Variants in ATXN1 observed in about 807,000 individuals in gnomAD.
ATXN1 encodes ataxin-1.
A neutral mutation model predicts 56.4 loss-of-function variants in ATXN1; 8 were observed. The observed-to-expected ratio is 0.14, with a 90% CI of 0.08 to 0.26. The LOEUF is 0.26. ATXN1 is among the 10% of genes least tolerant of loss of function. The pLI is 1.00. For synonymous variants in ATXN1, 514 were observed against 494.6 expected (o/e 1.04, Z -0.52); for missense variants, 987 against 1,106.5 (o/e 0.89, Z 1.53).
At chr6:16,701,216 C>T (rs536012692) in intron 2 of ATXN1, among the ~76,000 whole-genome samples, 1 of 152,310 alleles carries the variant, frequency 6.6e-6, no homozygotes, top group Admixed American at 6.5e-5. Context: ...AAATAAACCA[C>T]CAATGAATTT....
At chr6:16,600,671 T>G (rs183410215) in intron 3 of ATXN1, among the ~76,000 whole-genome samples, 139 of 152,348 alleles carry the variant, frequency 9.1e-4, no homozygotes, top group African/African-American at 3.2e-3. Flanking sequence ...TGCCACTATT[T>G]TATGTCTGTA....
chr6:16,694,410 C>T (rs1308700911), intron 2 of ATXN1, among the ~76,000 whole-genome samples: 3 of 152,024 alleles, frequency 2.0e-5, no homozygotes, highest in Non-Finnish European at 4.4e-5. Context: ...TGTGCCACCA[C>T]GCCCAGCTAA....
chr6:16,728,378 A>C (rs1759895201), intron 2 of ATXN1, among the ~76,000 whole-genome samples: 1 of 152,170 alleles, frequency 6.6e-6, no homozygotes, highest in Admixed American at 6.5e-5. Context: ...CAGAATGAGG[A>C]CAGGTAAAGG....
chr6:16,376,549 G>A (rs1448057709), intron 6 of ATXN1, among the ~76,000 whole-genome samples: 1 of 152,166 alleles, frequency 6.6e-6, no homozygotes, highest in African/African-American at 2.4e-5. Context: ...CTGTGGAGGT[G>A]GGAAAATGGT....
intron 4 of ATXN1, among the ~76,000 whole-genome samples, chr6:16,561,469 T>C (rs1054404350): frequency 5.9e-5 from 9 of 152,238 alleles, no homozygotes; most frequent in South Asian, 2.1e-4. Flanking sequence ...CAAGTTCCCA[T>C]AGAGCCATAC....
chr6:16,344,239 C>T (rs1032350887), intron 6 of ATXN1, among the ~76,000 whole-genome samples: 2 of 152,218 alleles, frequency 1.3e-5, no homozygotes, highest in African/African-American at 2.4e-5. Flanking sequence ...GACTATCCTC[C>T]AAGGCTCCAA....
At chr6:16,406,456 C>T (rs983614276) in intron 6 of ATXN1, among the ~76,000 whole-genome samples, 1 of 152,166 alleles carries the variant, frequency 6.6e-6, no homozygotes, top group East Asian at 1.9e-4. Flanking sequence ...TTACTAGACA[C>T]CCTATTTCCT....
intron 6 of ATXN1, among the ~76,000 whole-genome samples, chr6:16,402,182 C>T (rs537470304): frequency 6.8e-6 from 1 of 148,144 alleles, no homozygotes; most frequent in Non-Finnish European, 1.5e-5. Flanking sequence ...CACAGCCAAA[C>T]CATATCATCA....
At chr6:16,323,783 A>G (rs1390005352) in intron 7 of ATXN1, among the ~76,000 whole-genome samples, 2 of 152,138 alleles carry the variant, frequency 1.3e-5, no homozygotes, top group African/African-American at 4.8e-5. Context: ...TCCATGTGTC[A>G]CCTGGGGTCT....
At chr6:16,348,178 C>G (rs1197349428) in intron 6 of ATXN1, among the ~76,000 whole-genome samples, 1 of 152,214 alleles carries the variant, frequency 6.6e-6, no homozygotes, top group Non-Finnish European at 1.5e-5. Flanking sequence ...TCAAGTGATC[C>G]TCAGCTTCCT....
chr6:16,609,390 AG>A (rs1277343242), intron 3 of ATXN1, among the ~76,000 whole-genome samples: 1 of 152,208 alleles, frequency 6.6e-6, no homozygotes, highest in Non-Finnish European at 1.5e-5. Flanking sequence ...TCTGCTACAA[AG>A]GGGGCTTGGA....
At chr6:16,511,449 AT>A (rs1761079976) in intron 5 of ATXN1, among the ~76,000 whole-genome samples, 1 of 152,198 alleles carries the variant, frequency 6.6e-6, no homozygotes, top group African/African-American at 2.4e-5. Context: ...CACAATAGAC[AT>A]TTAAGGGAAT....
intron 7 of ATXN1, among the ~76,000 whole-genome samples, chr6:16,316,119 C>T (rs564900254): frequency 3.3e-5 from 5 of 152,172 alleles, no homozygotes; most frequent in Non-Finnish European, 7.3e-5. Flanking sequence ...TCAGATCAGT[C>T]GCAAGCATTA....
At chr6:16,374,340 A>G (rs188624675) in intron 6 of ATXN1, among the ~76,000 whole-genome samples, 41 of 152,356 alleles carry the variant, frequency 2.7e-4, no homozygotes, top group Admixed American at 5.9e-4. Context: ...TATAAAAACC[A>G]TAGTTTAAGC....
At chr6:16,669,188 C>T (rs999281335) in intron 2 of ATXN1, among the ~76,000 whole-genome samples, 3 of 152,140 alleles carry the variant, frequency 2.0e-5, no homozygotes, top group African/African-American at 7.2e-5. Flanking sequence ...GTTTCTTTAC[C>T]ACATCAAACT....
intron 2 of ATXN1, among the ~76,000 whole-genome samples, chr6:16,751,318 C>T (rs1309405237): frequency 6.6e-6 from 1 of 152,126 alleles, no homozygotes; most frequent in Admixed American, 6.5e-5. Flanking sequence ...AAGAGGCTTA[C>T]CTTTGCATGT....
chr6:16,539,480 A>G (rs982356368), intron 4 of ATXN1, among the ~76,000 whole-genome samples: 8 of 152,204 alleles, frequency 5.3e-5, no homozygotes, highest in Non-Finnish European at 8.8e-5. Context: ...ATGAAAAGAG[A>G]TAAGAGAGGA....
At chr6:16,342,857 GGA>G (rs1384265493) in intron 6 of ATXN1, among the ~76,000 whole-genome samples, 1 of 152,210 alleles carries the variant, frequency 6.6e-6, no homozygotes, top group Non-Finnish European at 1.5e-5. Context: ...GGCGTTAGCA[GGA>G]GCTGGGAGGA....
chr6:16,360,810 C>T (rs1761792544), intron 6 of ATXN1, among the ~76,000 whole-genome samples: 1 of 152,142 alleles, frequency 6.6e-6, no homozygotes, highest in Admixed American at 6.5e-5. Flanking sequence ...CACACAAGCC[C>T]ACGTCCACAC....
Sources: gnomAD v4.1 joint callset for allele counts (sites outside exome capture counted in the v4.1 genomes callset) on GRCh38, gnomAD v4.1.1 for gene constraint, MANE v1.5 for transcripts, NCBI Gene and HGNC (gene_info 2026-07-23, HGNC 2026-07-21) for gene names.